The following TMCC3 variants were observed in gnomAD, a reference collection of about 807,000 sequenced individuals.
TMCC3 encodes the protein transmembrane and coiled-coil domain family 3, also known as transmembrane and coiled-coil domain protein 3.
Under a neutral mutation model 40.2 loss-of-function variants are expected in TMCC3, and 28 were observed. That is an observed-to-expected ratio of 0.70 (90% CI 0.52 to 0.95). The LOEUF is 0.95. Ranked by LOEUF, TMCC3 falls within the 40% of genes least tolerant of loss-of-function variation. TMCC3 has a pLI of 0.00. For synonymous variants in TMCC3, 255 were observed against 248.5 expected (o/e 1.03, Z -0.25); for missense variants, 554 against 615.2 (o/e 0.90, Z 1.05).
At chr12:94,586,646 A>T (rs1905438) in intron 1 of TMCC3, among the ~76,000 whole-genome samples, 84,558 of 152,068 alleles carry the variant, frequency 0.56, 23,611 homozygotes, top group Admixed American at 0.59. Context: ...GTAAATAAAC[A>T]CCTGTTCTTA....
At chr12:94,579,520 CAAACAAAACA>C (rs369768806) in intron 2 of TMCC3, among the ~76,000 whole-genome samples, 3 of 152,114 alleles carry the variant, frequency 2.0e-5, no homozygotes, top group East Asian at 3.8e-4. Context: ...ACAACAACAA[CAAACAAAACA>C]AAACAAAACA....
rs189021497 is a variant in TMCC3 at position 94,595,651 on chromosome 12, A to G, written c.79-13113T>C. On this transcript the variant is annotated intron_variant, in intron 1 of 3. Transcript: ENST00000261226. ...TTTCTTATAAATGGATCAGAATACT[A>G]CTAGCTATCAGACAGGGCTTAGAAA... 3.9e-5 allele frequency among the ~76,000 whole-genome samples: 6 copies of G among 152,366 alleles called. No individual in the cohort carries two copies. The East Asian group carries it at 9.6e-4, about 24-fold the overall frequency.
rs570648629 is a variant in TMCC3, at chr12:94,572,233, C to T, written c.1132-496G>A. Among the ~76,000 whole-genome samples, 295 of 151,226 alleles carry T rather than the reference C, an allele frequency of 2.0e-3. 2 individuals are homozygous for T. Among genetic ancestry groups the T allele is most frequent in the Non-Finnish European group, 2.9e-3 (196 of 67,908 alleles). On this transcript the variant is annotated intron_variant, in intron 3 of 3. Coordinates refer to ENST00000261226, the MANE Select transcript of TMCC3 (RefSeq NM_020698.4). ...AAGGAAGGTCTCGATCTCCTGACCT[C>T]GTGATCGGCCCACCTCGGCCTCCCA... is the stretch of plus-strand genomic sequence containing the variant.
intron 2 of TMCC3, 66 bp from the exon 3 acceptor site, chr12:94,578,595 T>G: frequency 6.5e-7 from 1 of 1,533,258 alleles, no homozygotes; most frequent in Middle Eastern, 1.8e-4. Flanking sequence ...GATGTCCTTT[T>G]TATCTTCCTG....
chr12:94,601,550 C>T (rs1413126974), intron 1 of TMCC3, among the ~76,000 whole-genome samples: 4 of 150,916 alleles, frequency 2.7e-5, no homozygotes, highest in East Asian at 2.0e-4. Flanking sequence ...GAAGGCTGGG[C>T]GCAGTGACTC....
intron 1 of TMCC3, among the ~76,000 whole-genome samples, chr12:94,605,175 C>T (rs569713612): frequency 6.6e-6 from 1 of 152,042 alleles, no homozygotes; most frequent in African/African-American, 2.4e-5. Context: ...GGCTAGACAC[C>T]TGACCATGCA....
chr12:94,581,752 C>T lies in TMCC3; in HGVS notation c.865G>A (p.Val289Met), dbSNP rs142686550. The T allele has an allele frequency of 5.0e-6, 8 of 1,614,042 alleles. No individual in the cohort carries two copies. Among genetic ancestry groups the T allele is most frequent in the African/African-American group, 2.7e-5 (2 of 74,932 alleles). ...STLDSQGKLAVILEELREIKD... is the reference protein window; with the variant it reads ...STLDSQGKLAMILEELREIKD... ...ATCTCCCTCAGTTCCTCCAGGATCA[C>T]GGCGAGCTTGCCCTGGCTGTCCAGT... is the stretch of plus-strand genomic sequence containing the variant. The change falls in exon 2 of 4, where the codon GTG becomes ATG. Residue 289 changes from valine to methionine, a missense_variant. Physicochemically the swap from Val to Met is conservative, Grantham distance 21. Transcript: ENST00000261226.
chr12:94,607,910 T>G (rs4761641), intron 1 of TMCC3, among the ~76,000 whole-genome samples: 1 of 152,026 alleles, frequency 6.6e-6, no homozygotes, highest in African/African-American at 2.4e-5. Context: ...TGAACTAAAA[T>G]TTATTTGATT....
rs1178500029 is a variant in TMCC3, at chr12:94,650,455, C to T, written c.-25G>A. On this transcript the variant is annotated 5_prime_UTR_variant, in exon 1 of 4. Transcript: ENST00000261226. ...TCTCCGCGCTCCGGCCGCGAACTTTCCCGTCTTCTGGGGCTGCCGCGCCGC... is the reference window on the plus strand; with the variant it reads ...TCTCCGCGCTCCGGCCGCGAACTTTTCCGTCTTCTGGGGCTGCCGCGCCGC... 1.0e-5 allele frequency: 13 copies of T among 1,266,764 alleles called. No homozygotes were observed. In the African/African-American group the frequency reaches 2.0e-4, roughly 20 times the overall value. 78.5% of individuals were successfully genotyped at this position (1,266,764 alleles called of 1,614,324 possible).
Position 94,650,426 on chromosome 12 carries a change from G to A in TMCC3, c.5C>T (p.Pro2Leu). Residue 2 changes from proline to leucine, a missense_variant, in exon 1 of 4, where the codon CCG becomes CTG. Coordinates refer to ENST00000261226, the MANE Select transcript of TMCC3 (RefSeq NM_020698.4). M[P>L]GSDTALTVDR... ...CACGGTGAGCGCCGTGTCGCTGCCCGGCATCTCCGCGCTCCGGCCGCGAAC... is the reference window on the plus strand; with the variant it reads ...CACGGTGAGCGCCGTGTCGCTGCCCAGCATCTCCGCGCTCCGGCCGCGAAC... The A allele has an allele frequency of 7.7e-7, 1 of 1,296,180 alleles. No individual in the cohort carries two copies. The highest frequency in any genetic ancestry group is 2.1e-5 in the South Asian group (1 of 47,020). 80.3% of individuals were successfully genotyped at this position (1,296,180 alleles called of 1,614,324 possible).
intron 1 of TMCC3, among the ~76,000 whole-genome samples, chr12:94,616,789 G>A (rs1212630071): frequency 6.6e-6 from 1 of 152,242 alleles, no homozygotes; most frequent in African/African-American, 2.4e-5. Flanking sequence ...TGCAGTTGAA[G>A]ACTGGGACAG....
In TMCC3 at chr12:94,644,160, G is replaced by A. The variant is rs77952871; in HGVS notation, c.78+6193C>T. Among the ~76,000 whole-genome samples the A allele has an allele frequency of 1.0e-3, 152 of 152,326 alleles. No individual in the cohort carries two copies. In the East Asian group the frequency reaches 0.024, roughly 24 times the overall value. Reference sequence around the variant, plus strand: ...CAGCACCCCTCCCAAGTCGACGGAAGCAGTTGGCCTATGCACAAATCATAT... The same window carrying A: ...CAGCACCCCTCCCAAGTCGACGGAAACAGTTGGCCTATGCACAAATCATAT... On this transcript the variant is annotated intron_variant, in intron 1 of 3. Transcript: ENST00000261226.
chr12:94,618,288 C>A (rs535325383), intron 1 of TMCC3, among the ~76,000 whole-genome samples: 1 of 152,274 alleles, frequency 6.6e-6, no homozygotes, highest in East Asian at 1.9e-4. Context: ...TGTTTCATCT[C>A]CAGCTTAGCT....
rs185334343 is a variant in TMCC3, at chr12:94,591,162, G to A, written c.79-8624C>T. On this transcript the variant is annotated intron_variant, in intron 1 of 3. Transcript: ENST00000261226. ...TCCTGTATGGAAAATACGAGACTTC[G>A]TACAGTAGCCTTTCTAAATGTACAA... The A allele has an allele frequency of 7.3e-4, 238 of 326,068 alleles. 1 individual carries two copies. The highest frequency in any genetic ancestry group is 4.9e-3 in the African/African-American group (222 of 45,672). 20.2% of individuals were successfully genotyped at this position (326,068 alleles called of 1,614,324 possible).
chr12:94,588,825 ATTTT>A lies in TMCC3; in HGVS notation c.79-6291_79-6288del, dbSNP rs77963963. 8.1e-3 allele frequency among the ~76,000 whole-genome samples: 1,143 copies of A among 141,636 alleles called. 6 individuals are homozygous for A. The highest frequency in any genetic ancestry group is 0.014 in the Middle Eastern group (4 of 280). 92.9% of individuals were successfully genotyped at this position (141,636 alleles called of 152,430 possible). A position where few individuals can be genotyped will look rare whatever the true frequency, so the allele number is the denominator to read the frequency against. ...GTAAACTTTCTTAAATCGGTATGAGATTTTTTTTTTTTTTTTTTGAGACAGTCTC... is the reference window on the plus strand; with the variant it reads ...GTAAACTTTCTTAAATCGGTATGAGATTTTTTTTTTTTTTGAGACAGTCTC... On this transcript the variant is annotated intron_variant, in intron 1 of 3. Coordinates refer to ENST00000261226, the MANE Select transcript of TMCC3 (RefSeq NM_020698.4).
chr12:94,630,423 C>T (rs1041197794), intron 1 of TMCC3, among the ~76,000 whole-genome samples: 1 of 152,166 alleles, frequency 6.6e-6, no homozygotes, highest in Non-Finnish European at 1.5e-5. Context: ...TTTAGGGGCA[C>T]AGGCTCTGGA....
chr12:94,570,983 T>TCAAAAAA lies in TMCC3; in HGVS notation c.*451_*452insTTTTTTG. 5.2e-6 allele frequency: 1 copy of TCAAAAAA among 193,494 alleles called. No homozygotes were observed. Among genetic ancestry groups the TCAAAAAA allele is most frequent in the Non-Finnish European group, 1.1e-5 (1 of 92,954 alleles). The allele number at this position is 193,494 out of a possible 1,614,324, so 12.0% of individuals were successfully genotyped here. The stretch of plus-strand genomic sequence containing the variant: ...ACACGGGGACCATAGGCCACAGTGT[T>TCAAAAAA]TAACACTGCCCAAGCCTGTGATTCT... On this transcript the variant is annotated 3_prime_UTR_variant, in exon 4 of 4. Coordinates refer to ENST00000261226, the MANE Select transcript of TMCC3 (RefSeq NM_020698.4).
At position 94,591,105 on chromosome 12, in the gene TMCC3, C is replaced by T. The variant is rs116408129; in HGVS notation, c.79-8567G>A. 1.3e-3 allele frequency: 622 copies of T among 477,236 alleles called. 4 individuals are homozygous for T. Among genetic ancestry groups the T allele is most frequent in the African/African-American group, 0.011 (552 of 50,070 alleles). 29.6% of individuals were successfully genotyped at this position (477,236 alleles called of 1,614,324 possible). On this transcript the variant is annotated intron_variant, in intron 1 of 3. Coordinates refer to ENST00000261226, the MANE Select transcript of TMCC3 (RefSeq NM_020698.4). ...TCCTGGGAGATGGTCGTGCTGGTTG[C>T]CCCTCCATTGACAGCTGGATGAAAC... is the stretch of plus-strand genomic sequence containing the variant.
intron 1 of TMCC3, among the ~76,000 whole-genome samples, chr12:94,609,425 T>TC (rs1208794202): frequency 2.0e-5 from 3 of 151,992 alleles, no homozygotes; most frequent in African/African-American, 7.3e-5. Context: ...ATTTCACCTC[T>TC]CCCACACAGT....
Sources: gnomAD v4.1 joint callset for allele counts (sites outside exome capture counted in the v4.1 genomes callset) on GRCh38, gnomAD v4.1.1 for gene constraint, MANE v1.5 for transcripts, NCBI Gene and HGNC (gene_info 2026-07-23, HGNC 2026-07-21) for gene names.